Variants in DCTD observed in about 807,000 individuals in gnomAD.
The protein encoded by DCTD is deoxycytidylate deaminase.
In DCTD, 23 loss-of-function variants were observed where a neutral mutation model predicts 21.0. That is an observed-to-expected ratio of 1.09 (90% CI 0.79 to 1.55). The LOEUF (loss-of-function observed/expected upper bound fraction) is 1.55. Among genes scored for constraint, DCTD ranks in the 40% most tolerant of loss-of-function variants. DCTD has a pLI of 0.00. For missense variants in DCTD, 224 were observed against 230.0 expected, an observed-to-expected ratio of 0.97 and a Z score of 0.17; for synonymous variants, 71 against 81.1, an observed-to-expected ratio of 0.88 and a Z score of 0.67.
In DCTD at chr4:182,890,643, G is replaced by C. The variant is rs1228926037; in HGVS notation, c.*756C>G. 6.6e-6 allele frequency: 1 copy of C among 152,200 alleles called. No individual in the cohort carries two copies. Among genetic ancestry groups the C allele is most frequent in the Non-Finnish European group, 1.5e-5 (1 of 68,048 alleles). 9.4% of individuals were successfully genotyped at this position (152,200 alleles called of 1,614,324 possible). A position where few individuals can be genotyped will look rare whatever the true frequency, so the allele number is the denominator to read the frequency against. On this transcript the variant is annotated 3_prime_UTR_variant, in exon 6 of 6. Coordinates refer to ENST00000438320, the MANE Select transcript of DCTD (RefSeq NM_001921.3). ...AAGGAGAGACAGGCTGTCTCCTCTA[G>C]GAACAACTCATTATTCAGCTAAACG...
intron 3 of DCTD, among the ~76,000 whole-genome samples, chr4:182,903,958 TG>T (rs548825071): frequency 1.1e-3 from 167 of 152,296 alleles, no homozygotes; most frequent in African/African-American, 3.7e-3. Context: ...ACAAGCTACT[TG>T]CTACATGTGA....
At position 182,915,552 on chromosome 4, in the gene DCTD, C is replaced by A. The variant is rs1561350184; in HGVS notation, c.17G>T (p.Cys6Phe). 1 of 1,612,032 alleles carries A rather than the reference C, an allele frequency of 6.2e-7. No individual in the cohort carries two copies. The highest frequency in any genetic ancestry group is 2.2e-5 in the East Asian group (1 of 44,876). Residue 6 changes from cysteine (C) to phenylalanine (F), a missense_variant, in exon 2 of 6, where the codon TGC (cysteine) becomes TTC (phenylalanine). Transcript: ENST00000438320. Reference protein sequence around the residue: MSEVSCKKRDDYLEWP... With the variant: MSEVSFKKRDDYLEWP... ...TTCCAAATAGTCGTCCCGTTTCTTG[C>A]AGGAAACTTCACTCATGTTGGGTCT... is the stretch of plus-strand genomic sequence containing the variant.
intron 3 of DCTD, among the ~76,000 whole-genome samples, chr4:182,912,671 A>G (rs977473644): frequency 9.2e-5 from 14 of 152,240 alleles, no homozygotes; most frequent in Admixed American, 3.9e-4. Context: ...GACAAAAGGC[A>G]GTGTCTCATA....
Position 182,915,054 on chromosome 4 carries a change from C to T in DCTD, c.113G>A (p.Gly38Asp), listed in dbSNP as rs185585697. The T allele has an allele frequency of 6.2e-7, 1 of 1,614,248 alleles. No individual in the cohort carries two copies. The highest frequency in any genetic ancestry group is 8.5e-7 in the Non-Finnish European group (1 of 1,180,044). Residue 38 changes from glycine to aspartate, a missense_variant, in exon 3 of 6, where the codon GGC (glycine) becomes GAC (aspartate). By Grantham distance (94) the Gly-to-Asp change is moderately conservative. Coordinates refer to ENST00000438320, the MANE Select transcript of DCTD (RefSeq NM_001921.3). ...QRSKDPNSQV[G>D]ACIVNSENKI... ...GTTTTCTGAATTCACGATGCAGGCG[C>T]CGACCTAGAAGGAAACATGCCCAAA...
intron 3 of DCTD, among the ~76,000 whole-genome samples, chr4:182,900,459 G>A (rs958847405): frequency 3.9e-5 from 6 of 152,144 alleles, no homozygotes; most frequent in African/African-American, 1.4e-4. Context: ...TGTGTTGCCT[G>A]GATGAACTGC....
intron 3 of DCTD, among the ~76,000 whole-genome samples, chr4:182,910,171 TG>T (rs1420472649): frequency 6.6e-6 from 1 of 152,104 alleles, no homozygotes. Context: ...CCTGGTCCAT[TG>T]GGTGGGATAG....
chr4:182,915,238 G>A (rs1423515466), intron 2 of DCTD, among the ~76,000 whole-genome samples, 180 bp from the exon 3 acceptor site: 1 of 152,198 alleles, frequency 6.6e-6, no homozygotes, highest in East Asian at 1.9e-4. Context: ...GCCAAGGAAA[G>A]TGCACCCCCA....
intron 5 of DCTD, among the ~76,000 whole-genome samples, chr4:182,892,687 T>C (rs994073556): frequency 7.9e-5 from 12 of 152,232 alleles, no homozygotes; most frequent in Non-Finnish European, 1.3e-4. Context: ...ATCCTAAATT[T>C]TCTATGCCAA....
chr4:182,915,859 T>TA, intron 1 of DCTD: 3 of 1,170,718 alleles, frequency 2.6e-6, no homozygotes, highest in Non-Finnish European at 3.2e-6. Flanking sequence ...TATGCCAGCC[T>TA]ACAAATTGTT....
intron 3 of DCTD, among the ~76,000 whole-genome samples, chr4:182,898,269 T>G (rs924298984): frequency 6.6e-6 from 1 of 152,178 alleles, no homozygotes; most frequent in African/African-American, 2.4e-5. Flanking sequence ...TCCTCCCCTC[T>G]GTACTCTCCA....
intron 3 of DCTD, among the ~76,000 whole-genome samples, chr4:182,903,124 A>C (rs1736042465): frequency 6.6e-6 from 1 of 152,116 alleles, no homozygotes; most frequent in Non-Finnish European, 1.5e-5. Flanking sequence ...CAAGTGAGGG[A>C]CACAGTAGGA....
In DCTD at chr4:182,914,948, A is replaced by G. The variant is rs973371267; in HGVS notation, c.219T>C (p.Asn73=). 1.2e-6 allele frequency: 2 copies of G among 1,614,208 alleles called. No individual in the cohort carries two copies. Among genetic ancestry groups the G allele is most frequent in the Non-Finnish European group, 1.7e-6 (2 of 1,180,032 alleles). ...DVLPWRRTAE[N]KLDTKYPYVC... ...CGTACGGGTATTTGGTGTCCAGCTTATTCTCTGCTGTCCTTCTCCAAGGCA... is the reference window on the plus strand; with the variant it reads ...CGTACGGGTATTTGGTGTCCAGCTTGTTCTCTGCTGTCCTTCTCCAAGGCA... Residue 73 remains asparagine, a synonymous_variant, in exon 3 of 6, where the codon AAT becomes AAC. Coordinates refer to ENST00000438320, the MANE Select transcript of DCTD (RefSeq NM_001921.3).
At chr4:182,910,296 CTTAAGT>C (rs1375845683) in intron 3 of DCTD, among the ~76,000 whole-genome samples, 18 of 152,216 alleles carry the variant, frequency 1.2e-4, no homozygotes, top group African/African-American at 3.9e-4. Context: ...TAAAAATTCC[CTTAAGT>C]TTAACAACGG....
intron 3 of DCTD, among the ~76,000 whole-genome samples, chr4:182,899,396 T>C (rs1178328777): frequency 3.0e-5 from 4 of 134,800 alleles, no homozygotes; most frequent in Admixed American, 2.1e-4. Context: ...TGCCCTTTTT[T>C]TTCTTTTTCT....
intron 3 of DCTD, among the ~76,000 whole-genome samples, chr4:182,910,184 A>T (rs1310142279): frequency 6.6e-6 from 1 of 152,144 alleles, no homozygotes; most frequent in Non-Finnish European, 1.5e-5. Flanking sequence ...GTGGGATAGG[A>T]GGCCAAGCAC....
chr4:182,903,211 A>G (rs962411639), intron 3 of DCTD, among the ~76,000 whole-genome samples: 2 of 152,192 alleles, frequency 1.3e-5, no homozygotes, highest in Admixed American at 6.5e-5. Flanking sequence ...CTGTTTCCTA[A>G]GAAAGACACT....
intron 3 of DCTD, among the ~76,000 whole-genome samples, chr4:182,904,130 G>GACAACTC (rs1308297543): frequency 1.3e-5 from 2 of 152,096 alleles, no homozygotes; most frequent in East Asian, 3.9e-4. Flanking sequence ...AGCTGCGGAT[G>GACAACTC]ACAACTCACG....
intron 5 of DCTD, among the ~76,000 whole-genome samples, chr4:182,891,957 CTT>C (rs5864809): frequency 1.2e-4 from 16 of 130,920 alleles, no homozygotes; most frequent in Admixed American, 1.6e-4. Context: ...CATAAACCAA[CTT>C]TTTTTTTTTT....
Position 182,915,062 on chromosome 4 carries a change from G to A in DCTD, c.109-4C>T. On this transcript the variant is annotated splice_region_variant and splice_polypyrimidine_tract_variant and intron_variant, in intron 2 of 5. Transcript: ENST00000438320. The stretch of plus-strand genomic sequence containing the variant: ...AATTCACGATGCAGGCGCCGACCTA[G>A]AAGGAAACATGCCCAAAGGCTTGGT... 1.2e-6 allele frequency: 2 copies of A among 1,614,246 alleles called. No individual in the cohort carries two copies. The highest frequency in any genetic ancestry group is 1.7e-6 in the Non-Finnish European group (2 of 1,180,036).
Sources: gnomAD v4.1 joint callset for allele counts (sites outside exome capture counted in the v4.1 genomes callset) on GRCh38, gnomAD v4.1.1 for gene constraint, MANE v1.5 for transcripts, NCBI Gene and HGNC (gene_info 2026-07-23, HGNC 2026-07-21) for gene names.